The following EPHB1 variants were observed in gnomAD, a reference collection of about 807,000 sequenced individuals.
The protein encoded by EPHB1 is EPH receptor B1, also known as ephrin type-B receptor 1.
In EPHB1, 30 loss-of-function variants were observed where a neutral mutation model predicts 94.4. That is an observed-to-expected ratio of 0.32 (90% CI 0.24 to 0.43). The LOEUF (loss-of-function observed/expected upper bound fraction) is 0.43. Among genes scored for constraint, EPHB1 ranks in the 20% least tolerant of loss-of-function variants. EPHB1 has a pLI of 1.00. For synonymous variants in EPHB1, 522 were observed against 489.1 expected (o/e 1.07, Z -0.89); for missense variants, 1,055 against 1,308.3 (o/e 0.81, Z 2.99).
At chr3:134,862,325 G>T (rs1371673296) in intron 1 of EPHB1, among the ~76,000 whole-genome samples, 4 of 152,046 alleles carry the variant, frequency 2.6e-5, no homozygotes, top group East Asian at 1.9e-4. Context: ...GTCCAAAGAG[G>T]TTAGCGTACT....
At chr3:135,021,355 T>C (rs1327797212) in intron 3 of EPHB1, among the ~76,000 whole-genome samples, 1 of 152,124 alleles carries the variant, frequency 6.6e-6, no homozygotes, top group Non-Finnish European at 1.5e-5. Flanking sequence ...AATCTTATTT[T>C]ATATATTTTA....
rs552638346 is a variant in EPHB1 at position 135,155,552 on chromosome 3, C to T, written c.1422+1276C>T. Among the ~76,000 whole-genome samples the T allele has an allele frequency of 1.3e-4, 20 of 152,106 alleles. No homozygotes were observed. In the South Asian group the frequency reaches 4.0e-3, roughly 30 times the overall value. On this transcript the variant is annotated intron_variant, in intron 6 of 15. Coordinates refer to ENST00000398015, the MANE Select transcript of EPHB1 (RefSeq NM_004441.5). ...GGTGCAGTGGCTCACACCTGCAATC[C>T]TAGCACGTTGGGAGGCTGAGGCAGG...
chr3:135,170,281 T>C (rs765208155), intron 9 of EPHB1, among the ~76,000 whole-genome samples: 52 of 152,322 alleles, frequency 3.4e-4, no homozygotes, highest in Non-Finnish European at 6.0e-4. Context: ...ATACCTTCTC[T>C]AGCTAGTTGA....
intron 5 of EPHB1, among the ~76,000 whole-genome samples, chr3:135,145,358 G>T (rs915173061): frequency 3.3e-5 from 5 of 152,266 alleles, no homozygotes; most frequent in African/African-American, 1.2e-4. Context: ...TGGCCAGCCA[G>T]CCCAATCCTT....
At chr3:134,952,811 C>A (rs879179633) in intron 3 of EPHB1, among the ~76,000 whole-genome samples, 3 of 152,194 alleles carry the variant, frequency 2.0e-5, no homozygotes, top group Admixed American at 6.5e-5. Flanking sequence ...CAACATGTGG[C>A]AATAAATGTG....
chr3:135,168,721 G>A (rs754510290), intron 9 of EPHB1, among the ~76,000 whole-genome samples: 2 of 152,128 alleles, frequency 1.3e-5, no homozygotes, highest in Non-Finnish European at 2.9e-5. Flanking sequence ...CTCAGGGCTG[G>A]CTCTTTTTCA....
intron 3 of EPHB1, among the ~76,000 whole-genome samples, chr3:134,975,782 G>A (rs902330480): frequency 2.0e-5 from 3 of 151,782 alleles, no homozygotes; most frequent in Non-Finnish European, 2.9e-5. Context: ...AAGAGGGCAG[G>A]GGGGGAGTGA....
At chr3:135,072,224 T>C (rs1937743395) in intron 3 of EPHB1, among the ~76,000 whole-genome samples, 1 of 151,898 alleles carries the variant, frequency 6.6e-6, no homozygotes, top group South Asian at 2.1e-4. Flanking sequence ...CTACTAAAAA[T>C]ACAAAAAATT....
intron 3 of EPHB1, among the ~76,000 whole-genome samples, chr3:135,073,621 A>G (rs1389376130): frequency 6.6e-6 from 1 of 152,228 alleles, no homozygotes; most frequent in Non-Finnish European, 1.5e-5. Flanking sequence ...AATATCATCA[A>G]ATATGCAGAG....
chr3:134,869,229 G>C (rs139843530), intron 1 of EPHB1, among the ~76,000 whole-genome samples: 1 of 152,244 alleles, frequency 6.6e-6, no homozygotes. Flanking sequence ...AGGTGATAGA[G>C]AGCCCAACCC....
intron 3 of EPHB1, among the ~76,000 whole-genome samples, chr3:134,974,116 A>T (rs1407288853): frequency 1.3e-5 from 2 of 152,170 alleles, no homozygotes; most frequent in Admixed American, 6.5e-5. Context: ...ATCCAGTCAC[A>T]GTGGTCTCTG....
intron 12 of EPHB1, among the ~76,000 whole-genome samples, chr3:135,212,419 A>G (rs546111038): frequency 6.6e-6 from 1 of 152,306 alleles, no homozygotes; most frequent in South Asian, 2.1e-4. Context: ...GGATTCTGCT[A>G]CACTGAACCA....
At chr3:135,065,336 G>C (rs548041545) in intron 3 of EPHB1, among the ~76,000 whole-genome samples, 123 of 152,096 alleles carry the variant, frequency 8.1e-4, no homozygotes, top group Non-Finnish European at 1.4e-3. Context: ...GTTGCTCTCT[G>C]TCTCATATTT....
At position 135,250,850 on chromosome 3, in the gene EPHB1, C is replaced by T. The variant is rs139285095; in HGVS notation, c.2846+1359C>T. 1.6e-4 allele frequency among the ~76,000 whole-genome samples: 24 copies of T among 152,244 alleles called. No individual in the cohort carries two copies. In the East Asian group the frequency reaches 4.3e-3, roughly 27 times the overall value. On this transcript the variant is annotated intron_variant, in intron 15 of 15. Coordinates refer to ENST00000398015, the MANE Select transcript of EPHB1 (RefSeq NM_004441.5). ...TCATTCATCCATCAGTCTGCGAACACGTATTGATCACCTGTTATACAATGG... is the reference window on the plus strand; with the variant it reads ...TCATTCATCCATCAGTCTGCGAACATGTATTGATCACCTGTTATACAATGG...
intron 1 of EPHB1, among the ~76,000 whole-genome samples, chr3:134,796,655 T>C (rs977069259): frequency 1.3e-5 from 2 of 151,204 alleles, no homozygotes; most frequent in Non-Finnish European, 2.9e-5. Context: ...GCCTCTGTTC[T>C]TCGCAGCCTA....
chr3:135,151,157 A>C (rs944116131), intron 5 of EPHB1, among the ~76,000 whole-genome samples: 2 of 152,208 alleles, frequency 1.3e-5, no homozygotes, highest in African/African-American at 4.8e-5. Flanking sequence ...TGGCCCCTGC[A>C]TTCTATTTGG....
intron 1 of EPHB1, among the ~76,000 whole-genome samples, chr3:134,829,336 TG>T (rs1184990027): frequency 6.6e-6 from 1 of 151,600 alleles, no homozygotes; most frequent in Non-Finnish European, 1.5e-5. Context: ...GGTAAGACTT[TG>T]GGGGTGGGGG....
intron 1 of EPHB1, among the ~76,000 whole-genome samples, chr3:134,810,387 T>C (rs1315918128): frequency 6.6e-6 from 1 of 151,772 alleles, no homozygotes; most frequent in South Asian, 2.1e-4. Context: ...GAGTAGGTGG[T>C]GCTGCTTCTT....
chr3:135,057,708 T>C (rs1043789876), intron 3 of EPHB1, among the ~76,000 whole-genome samples: 1 of 152,222 alleles, frequency 6.6e-6, no homozygotes, highest in Non-Finnish European at 1.5e-5. Flanking sequence ...TGTGCACATA[T>C]GTCATAGGTA....
Sources: gnomAD v4.1 joint callset for allele counts (sites outside exome capture counted in the v4.1 genomes callset) on GRCh38, gnomAD v4.1.1 for gene constraint, MANE v1.5 for transcripts, NCBI Gene and HGNC (gene_info 2026-07-23, HGNC 2026-07-21) for gene names.